The following PRELID2 variants were observed in gnomAD, a reference collection of about 807,000 sequenced individuals.
The protein encoded by PRELID2 is PRELI domain-containing protein 2.
In PRELID2, 25 loss-of-function variants were observed where a neutral mutation model predicts 28.4. The ratio of observed to expected loss-of-function variants is 0.88; its 90% confidence interval spans 0.64 to 1.23. PRELID2 has a LOEUF of 1.23. Among genes scored for constraint, PRELID2 ranks in the 50% most tolerant of loss-of-function variants. PRELID2 has a pLI of 0.00. For synonymous variants in PRELID2, 76 were observed against 71.6 expected, an observed-to-expected ratio of 1.06 and a Z score of -0.31; for missense variants, 201 against 214.4, an observed-to-expected ratio of 0.94 and a Z score of 0.39.
chr5:145,415,378 C>T, the PRELID2 span, among the ~76,000 whole-genome samples: 32 of 151,550 alleles, frequency 2.1e-4, no homozygotes, highest in African/African-American at 7.3e-4. Flanking sequence ...GTGTGCTGCA[C>T]CCATTAACCC....
the PRELID2 span, among the ~76,000 whole-genome samples, chr5:145,342,523 A>T: frequency 6.6e-6 from 1 of 152,298 alleles, no homozygotes; most frequent in Non-Finnish European, 1.5e-5. Context: ...TAAATTATCC[A>T]CTGAATATAT....
At chr5:145,669,629 G>A (rs557881544) in intron 1 of PRELID2, among the ~76,000 whole-genome samples, 1 of 152,040 alleles carries the variant, frequency 6.6e-6, no homozygotes, top group South Asian at 2.1e-4. Flanking sequence ...AAAATCCTCA[G>A]CAGATATCTA....
chr5:145,271,866 A>C, the PRELID2 span, among the ~76,000 whole-genome samples: 1 of 152,150 alleles, frequency 6.6e-6, no homozygotes, highest in South Asian at 2.1e-4. Context: ...GATTTCACCA[A>C]TTCTGTGAGT....
the PRELID2 span, among the ~76,000 whole-genome samples, chr5:145,254,888 C>T: frequency 1.3e-5 from 2 of 151,038 alleles, no homozygotes; most frequent in Non-Finnish European, 2.9e-5. Context: ...GACATTCCTC[C>T]TAGGTAGTCA....
chr5:145,807,681 T>C (rs140983093), intron 4 of PRELID2, among the ~76,000 whole-genome samples: 232 of 152,148 alleles, frequency 1.5e-3, no homozygotes, highest in Non-Finnish European at 2.7e-3. Flanking sequence ...CTGCAGCAAA[T>C]TCCTTCTCTT....
the PRELID2 span, among the ~76,000 whole-genome samples, chr5:145,331,034 C>T: frequency 2.0e-4 from 31 of 152,204 alleles, no homozygotes; most frequent in African/African-American, 7.2e-4. Context: ...CTTATTTACC[C>T]AGTAGTCATT....
the PRELID2 span, among the ~76,000 whole-genome samples, chr5:145,466,108 T>C: frequency 6.6e-5 from 10 of 151,548 alleles, no homozygotes; most frequent in African/African-American, 2.4e-4. Flanking sequence ...ATTAAAGACA[T>C]GGAAGAAAAA....
chr5:145,659,140 C>T (rs1050114092), intron 1 of PRELID2, among the ~76,000 whole-genome samples: 1 of 152,184 alleles, frequency 6.6e-6, no homozygotes, highest in Non-Finnish European at 1.5e-5. Context: ...ATGGCACAGA[C>T]TTCAAGGTCA....
chr5:145,735,190 A>G (rs1373525077), intron 1 of PRELID2, among the ~76,000 whole-genome samples: 1 of 149,086 alleles, frequency 6.7e-6, no homozygotes, highest in Non-Finnish European at 1.5e-5. Flanking sequence ...AGTTGCAGTG[A>G]GTTGAGATTG....
At chr5:145,526,032 T>C (rs115967931) in intron 1 of PRELID2, among the ~76,000 whole-genome samples, 3,064 of 152,288 alleles carry the variant, frequency 0.02, 96 homozygotes, top group African/African-American at 0.071. Flanking sequence ...AGTAAGTTGC[T>C]CACAAGATGG....
the PRELID2 span, among the ~76,000 whole-genome samples, chr5:145,326,732 T>C: frequency 6.6e-6 from 1 of 151,732 alleles, no homozygotes; most frequent in African/African-American, 2.4e-5. Context: ...TATGAAAAAA[T>C]AGTAACCTCA....
At chr5:145,788,227 A>C (rs1022684954) in intron 5 of PRELID2, among the ~76,000 whole-genome samples, 2 of 152,166 alleles carry the variant, frequency 1.3e-5, no homozygotes, top group Non-Finnish European at 2.9e-5. Flanking sequence ...TTTCCTTCAG[A>C]TCTTTATCTT....
chr5:145,272,504 G>A, the PRELID2 span, among the ~76,000 whole-genome samples: 14 of 152,184 alleles, frequency 9.2e-5, no homozygotes, highest in Admixed American at 7.9e-4. Context: ...AACACACAGC[G>A]CTGCAGAGGT....
the PRELID2 span, among the ~76,000 whole-genome samples, chr5:145,296,437 C>T: frequency 4.5e-4 from 66 of 146,832 alleles, no homozygotes; most frequent in Admixed American, 1.3e-3. Flanking sequence ...TGAGAATATG[C>T]GGTGTTTGGT....
intron 1 of PRELID2, among the ~76,000 whole-genome samples, chr5:145,513,622 T>C (rs766764731): frequency 1.3e-5 from 2 of 151,982 alleles, no homozygotes; most frequent in African/African-American, 4.8e-5. Context: ...AGGCCAACAT[T>C]CAAATTCAGG....
the PRELID2 span, among the ~76,000 whole-genome samples, chr5:145,337,733 TCACACA>T: frequency 8.5e-3 from 814 of 96,034 alleles, 3 homozygotes; most frequent in Non-Finnish European, 0.013. Flanking sequence ...ATATATATAC[TCACACA>T]CACACACACA....
At chr5:145,650,293 A>T (rs1754266007) in intron 1 of PRELID2, among the ~76,000 whole-genome samples, 1 of 151,888 alleles carries the variant, frequency 6.6e-6, no homozygotes, top group Non-Finnish European at 1.5e-5. Flanking sequence ...TCTCAAGGAG[A>T]CGAGTAGCAC....
the PRELID2 span, among the ~76,000 whole-genome samples, chr5:145,364,694 G>A: frequency 2.0e-5 from 3 of 151,844 alleles, no homozygotes; most frequent in Non-Finnish European, 4.4e-5. Flanking sequence ...AAGCATTTCA[G>A]GTATTTGCCT....
chr5:145,450,958 A>C, the PRELID2 span: 1 of 152,222 alleles, frequency 6.6e-6, no homozygotes, highest in African/African-American at 2.4e-5. Flanking sequence ...AGATGACAGG[A>C]AGCATGGACA....
Sources: allele counts gnomAD v4.1 joint callset (sites outside exome capture counted in the v4.1 genomes callset), GRCh38; gene constraint gnomAD v4.1.1; transcripts MANE v1.5; gene names NCBI Gene and HGNC (gene_info 2026-07-23, HGNC 2026-07-21).